RANBP2: variants seen among roughly 807,000 people sequenced by gnomAD.
The protein encoded by RANBP2 is E3 SUMO-protein ligase RanBP2.
In RANBP2, 57 loss-of-function variants were observed where a neutral mutation model predicts 303.6. The ratio of observed to expected loss-of-function variants is 0.19; its 90% CI spans 0.15 to 0.23. The LOEUF (loss-of-function observed/expected upper bound fraction) is 0.23. Among genes scored for constraint, RANBP2 ranks in the 10% least tolerant of loss-of-function variants. RANBP2 has a pLI of 1.00. For missense variants in RANBP2, 3,138 were observed against 3,780.8 expected, an observed-to-expected ratio of 0.83 and a Z score of 4.46; for synonymous variants, 1,167 against 1,301.5, an observed-to-expected ratio of 0.90 and a Z score of 2.23.
At chr2:109,611,275 C>T in the RANBP2 span, among the ~76,000 whole-genome samples, 3 of 152,018 alleles carry the variant, frequency 2.0e-5, no homozygotes, top group Non-Finnish European at 4.4e-5. Context: ...TAAGGTTAGG[C>T]AAAGAGTTCT....
chr2:109,364,880 C>A, the RANBP2 span, among the ~76,000 whole-genome samples: 1 of 152,176 alleles, frequency 6.6e-6, no homozygotes, highest in African/African-American at 2.4e-5. Flanking sequence ...TACTTGAGGT[C>A]AGGAGTTCGA....
chr2:109,129,220 C>G, the RANBP2 span: 1 of 538,942 alleles, frequency 1.9e-6, no homozygotes, highest in Non-Finnish European at 3.4e-6. Context: ...ACCCGTTGAG[C>G]TTCGTGCCCG....
At chr2:109,690,158 C>T in the RANBP2 span, among the ~76,000 whole-genome samples, 1 of 152,296 alleles carries the variant, frequency 6.6e-6, no homozygotes, top group Admixed American at 6.5e-5. Flanking sequence ...GGATGCATGC[C>T]AGTGACACAG....
the RANBP2 span, among the ~76,000 whole-genome samples, chr2:108,941,411 C>G: frequency 1.3e-5 from 2 of 152,166 alleles, no homozygotes; most frequent in Non-Finnish European, 2.9e-5. Flanking sequence ...CCTGGTAGCT[C>G]ACAGCCTTCC....
At chr2:109,376,367 G>T in the RANBP2 span, among the ~76,000 whole-genome samples, 1 of 152,222 alleles carries the variant, frequency 6.6e-6, no homozygotes, top group African/African-American at 2.4e-5. Flanking sequence ...AAAGGAATCA[G>T]CTCGGGTTGG....
At chr2:109,034,073 A>G in the RANBP2 span, among the ~76,000 whole-genome samples, 1 of 151,258 alleles carries the variant, frequency 6.6e-6, no homozygotes, top group Non-Finnish European at 1.5e-5. Flanking sequence ...GATGGAGAAC[A>G]TCCTGGCAAA....
chr2:109,570,198 T>C, the RANBP2 span, among the ~76,000 whole-genome samples: 875 of 152,328 alleles, frequency 5.7e-3, 12 homozygotes, highest in Non-Finnish European at 6.7e-3. Flanking sequence ...ATTTTAGAAT[T>C]TGTCTCTCAT....
At chr2:109,666,132 T>TAA in the RANBP2 span, among the ~76,000 whole-genome samples, 49 of 138,932 alleles carry the variant, frequency 3.5e-4, no homozygotes, top group African/African-American at 1.1e-3. Context: ...AACAAAAAAC[T>TAA]AAAAAAAAAA....
the RANBP2 span, among the ~76,000 whole-genome samples, chr2:109,200,609 C>G: frequency 6.6e-6 from 1 of 152,178 alleles, no homozygotes; most frequent in Non-Finnish European, 1.5e-5. Flanking sequence ...GATGCCACAG[C>G]CTCTTAAAGT....
chr2:109,548,453 G>C, the RANBP2 span, among the ~76,000 whole-genome samples: 1 of 152,090 alleles, frequency 6.6e-6, no homozygotes, highest in Non-Finnish European at 1.5e-5. Context: ...GGCTCACGGA[G>C]GTTTACACGC....
chr2:108,800,190 G>A, the RANBP2 span, among the ~76,000 whole-genome samples: 1 of 152,026 alleles, frequency 6.6e-6, no homozygotes, highest in African/African-American at 2.4e-5. Context: ...ATAGATTTTG[G>A]GTTCTATTGT....
the RANBP2 span, among the ~76,000 whole-genome samples, chr2:109,117,950 C>G: frequency 6.6e-6 from 1 of 152,226 alleles, no homozygotes; most frequent in East Asian, 1.9e-4. Flanking sequence ...AGAAGTGCCA[C>G]TGCCTGCCCT....
chr2:109,053,890 A>T, the RANBP2 span, among the ~76,000 whole-genome samples: 1 of 150,792 alleles, frequency 6.6e-6, no homozygotes, highest in Non-Finnish European at 1.5e-5. Context: ...ACCGGCTCAC[A>T]GGCCCCACCA....
At chr2:109,265,025 A>G in the RANBP2 span, among the ~76,000 whole-genome samples, 1 of 152,310 alleles carries the variant, frequency 6.6e-6, no homozygotes, top group Non-Finnish European at 1.5e-5. Flanking sequence ...AGCCTGGGGA[A>G]CCTGGCCAGC....
At chr2:108,884,254 T>C in the RANBP2 span, 2 of 152,180 alleles carry the variant, frequency 1.3e-5, no homozygotes, top group Non-Finnish European at 2.9e-5. Flanking sequence ...CCAACTTGCT[T>C]TACCTGTCAA....
chr2:109,434,617 C>T, the RANBP2 span, among the ~76,000 whole-genome samples: 1 of 152,344 alleles, frequency 6.6e-6, no homozygotes, highest in Admixed American at 6.5e-5. Context: ...GAGCTGGGTC[C>T]TAAGTCCACT....
At chr2:109,368,201 C>T in the RANBP2 span, among the ~76,000 whole-genome samples, 2 of 152,078 alleles carry the variant, frequency 1.3e-5, no homozygotes, top group Non-Finnish European at 2.9e-5. Context: ...AGACATTAAG[C>T]CTTTGTCTCT....
At chr2:109,164,979 T>G in the RANBP2 span, among the ~76,000 whole-genome samples, 3 of 152,234 alleles carry the variant, frequency 2.0e-5, no homozygotes, top group African/African-American at 7.2e-5. Context: ...TTTTAAAGCC[T>G]CTTCTTAGTC....
At chr2:108,868,816 G>A in the RANBP2 span, among the ~76,000 whole-genome samples, 1 of 152,006 alleles carries the variant, frequency 6.6e-6, no homozygotes, top group Non-Finnish European at 1.5e-5. Flanking sequence ...AAAAGCTAAG[G>A]GTTTTTGGGC....
Sources: allele counts gnomAD v4.1 joint callset (sites outside exome capture counted in the v4.1 genomes callset), GRCh38; gene constraint gnomAD v4.1.1; transcripts MANE v1.5; gene names NCBI Gene and HGNC (gene_info 2026-07-23, HGNC 2026-07-21).